UTRN: variants seen among roughly 807,000 people sequenced by gnomAD.
UTRN encodes dystrophin-related protein 1.
UTRN carries 283 observed loss-of-function variants against 463.9 expected under a neutral mutation model. The ratio of observed to expected loss-of-function variants is 0.61; its 90% CI spans 0.55 to 0.67. The LOEUF (loss-of-function observed/expected upper bound fraction) is 0.67, where lower values mean the gene tolerates loss of function less well. Among genes scored for constraint, UTRN ranks in the 30% least tolerant of loss-of-function variants. The probability of loss-of-function intolerance (pLI) is 0.00; values close to 1 mark genes in which losing one functional copy is unlikely to be tolerated. For missense variants in UTRN, 3,922 were observed against 4,084.3 expected (o/e 0.96, Z 1.08); for synonymous variants, 1,442 against 1,431.5 (o/e 1.01, Z -0.17).
At position 144,329,580 on chromosome 6, in the gene UTRN, T is replaced by C. The variant is rs78506786; in HGVS notation, c.79+37673T>C. Among the ~76,000 whole-genome samples, 393 of 152,222 alleles carry C rather than the reference T, an allele frequency of 2.6e-3. 3 individuals carry two copies. The highest frequency in any genetic ancestry group is 9.1e-3 in the East Asian group (47 of 5,176). ...GTATTTTCAAGATACCTGCTAGAGTTGTAAGGTGATGTGAAAATGGTTATG... is the reference window on the plus strand; with the variant it reads ...GTATTTTCAAGATACCTGCTAGAGTCGTAAGGTGATGTGAAAATGGTTATG... On this transcript the variant is annotated intron_variant, in intron 2 of 74. Coordinates refer to ENST00000367545, the MANE Select transcript of UTRN (RefSeq NM_007124.3).
At chr6:144,548,969 T>C in intron 47 of UTRN, 115 bp downstream of exon 47, 1 of 1,061,552 alleles carries the variant, frequency 9.4e-7, no homozygotes, top group Non-Finnish European at 1.3e-6. Flanking sequence ...TTTAAAAAAT[T>C]CTGTATCTGT....
chr6:144,656,517 T>G (rs1779328476), intron 51 of UTRN, among the ~76,000 whole-genome samples: 1 of 152,160 alleles, frequency 6.6e-6, no homozygotes, highest in South Asian at 2.1e-4. Flanking sequence ...GCTCAGGTGA[T>G]TCTCCCACCT....
At chr6:144,665,448 AAGTAGTAGCTTG>A (rs76587716) in intron 51 of UTRN, among the ~76,000 whole-genome samples, 8,558 of 152,258 alleles carry the variant, frequency 0.056, 264 homozygotes, top group African/African-American at 0.08. Context: ...CTTTATAATC[AAGTAGTAGCTTG>A]ACTGTGAAAC....
chr6:144,789,406 G>A (rs1776569528), intron 62 of UTRN, 127 bp downstream of exon 62: 2 of 774,556 alleles, frequency 2.6e-6, no homozygotes, highest in Non-Finnish European at 3.9e-6. Context: ...AACCCTTACT[G>A]TGCCTATACC....
intron 33 of UTRN, among the ~76,000 whole-genome samples, chr6:144,498,853 A>G (rs1429617189): frequency 1.3e-5 from 2 of 151,966 alleles, no homozygotes; most frequent in East Asian, 1.9e-4. Flanking sequence ...GAGGTCTTTC[A>G]TTTTGTAGAA....
At chr6:144,441,534 G>T (rs919396133) in intron 13 of UTRN, among the ~76,000 whole-genome samples, 5 of 152,224 alleles carry the variant, frequency 3.3e-5, no homozygotes, top group African/African-American at 1.2e-4. Flanking sequence ...GCGGGAAATA[G>T]CCCCCTCCTG....
intron 60 of UTRN, among the ~76,000 whole-genome samples, chr6:144,775,739 A>T (rs977553272): frequency 6.6e-6 from 1 of 152,174 alleles, no homozygotes; most frequent in African/African-American, 2.4e-5. Flanking sequence ...CAAAATTTCC[A>T]TTGACAGAAG....
At chr6:144,377,055 T>C (rs1226534217) in intron 2 of UTRN, among the ~76,000 whole-genome samples, 1 of 152,188 alleles carries the variant, frequency 6.6e-6, no homozygotes, top group Non-Finnish European at 1.5e-5. Context: ...TGTTTGTTTT[T>C]GGGACAGAGT....
intron 2 of UTRN, among the ~76,000 whole-genome samples, chr6:144,401,873 C>T (rs1782965591): frequency 6.6e-6 from 1 of 152,152 alleles, no homozygotes; most frequent in African/African-American, 2.4e-5. Flanking sequence ...CACACCTGGG[C>T]TTCCTCCATT....
intron 20 of UTRN, 66 bp downstream of exon 20, chr6:144,459,077 C>G: frequency 6.4e-7 from 1 of 1,563,230 alleles, no homozygotes; most frequent in Non-Finnish European, 8.7e-7. Context: ...AGGAGGGCTT[C>G]TCGTATCATG....
intron 51 of UTRN, among the ~76,000 whole-genome samples, chr6:144,611,234 G>A (rs73005504): frequency 0.16 from 23,891 of 152,206 alleles, 2,108 homozygotes; most frequent in South Asian, 0.28. Context: ...AGTAAAGGAT[G>A]TATAGACAAA....
chr6:144,594,287 C>G (rs1298683281), intron 51 of UTRN, among the ~76,000 whole-genome samples: 1 of 152,034 alleles, frequency 6.6e-6, no homozygotes, highest in Non-Finnish European at 1.5e-5. Flanking sequence ...TTGTGCTGCC[C>G]AAGGTCACAC....
chr6:144,817,083 T>A (rs1473628071), intron 65 of UTRN, among the ~76,000 whole-genome samples: 1 of 152,188 alleles, frequency 6.6e-6, no homozygotes, highest in East Asian at 1.9e-4. Context: ...AGGCTCAAGT[T>A]TTCAAGAACA....
intron 34 of UTRN, among the ~76,000 whole-genome samples, chr6:144,501,226 A>G (rs1400440549): frequency 6.6e-6 from 1 of 152,250 alleles, no homozygotes; most frequent in African/African-American, 2.4e-5. Flanking sequence ...ATTGCAAGTC[A>G]TCGGTGTGTT....
At chr6:144,619,442 A>G (rs1350482208) in intron 51 of UTRN, among the ~76,000 whole-genome samples, 1 of 152,180 alleles carries the variant, frequency 6.6e-6, no homozygotes, top group African/African-American at 2.4e-5. Flanking sequence ...CTGAATAGTT[A>G]CTGAAGCAGA....
intron 25 of UTRN, 64 bp from the exon 26 acceptor site, chr6:144,479,748 G>C (rs1562463389): frequency 1.3e-6 from 2 of 1,529,026 alleles, no homozygotes; most frequent in Non-Finnish European, 1.8e-6. Context: ...AATATTAAGA[G>C]CTAAAACTTG....
chr6:144,411,895 C>T (rs1284229458), intron 3 of UTRN, among the ~76,000 whole-genome samples: 2 of 152,130 alleles, frequency 1.3e-5, no homozygotes, highest in South Asian at 2.1e-4. Context: ...TTAAAGAGGA[C>T]GGCTGAGAGA....
At position 144,454,376 on chromosome 6, in the gene UTRN, C is replaced by CT. The variant is rs145682760; in HGVS notation, c.2284+517dup. ...ATGAAATTTTTAAATGCTCCCAAGACTTTTTTTTTTGCTGTAGCTCCCAGT... is the reference window on the plus strand; with the variant it reads ...ATGAAATTTTTAAATGCTCCCAAGACTTTTTTTTTTTGCTGTAGCTCCCAGT... On this transcript the variant is annotated intron_variant, in intron 19 of 74. Transcript: ENST00000367545. Among the ~76,000 whole-genome samples the CT allele has an allele frequency of 1.8e-3, 259 of 147,904 alleles. 2 individuals are homozygous for CT. Among genetic ancestry groups the CT allele is most frequent in the African/African-American group, 5.3e-3 (214 of 40,548 alleles).
intron 51 of UTRN, among the ~76,000 whole-genome samples, chr6:144,583,870 A>T (rs1802212238): frequency 6.6e-6 from 1 of 152,186 alleles, no homozygotes; most frequent in South Asian, 2.1e-4. Context: ...ATGATGCAAA[A>T]CTACTACATT....
Sources: gnomAD v4.1 joint callset for allele counts (sites outside exome capture counted in the v4.1 genomes callset) on GRCh38, gnomAD v4.1.1 for gene constraint, MANE v1.5 for transcripts, NCBI Gene and HGNC (gene_info 2026-07-23, HGNC 2026-07-21) for gene names.